The following BCAN variants were observed in gnomAD, a reference collection of about 807,000 sequenced individuals.
BCAN encodes brevican core protein.
Under a neutral mutation model 92.4 loss-of-function variants are expected in BCAN, and 51 were observed. That is an observed-to-expected ratio of 0.55 (90% CI 0.44 to 0.70). The LOEUF is 0.70. Ranked by LOEUF, BCAN falls within the 30% of genes least tolerant of loss-of-function variation. BCAN has a pLI of 0.00. For missense variants in BCAN, 1,140 were observed against 1,212.1 expected, an observed-to-expected ratio of 0.94 and a Z score of 0.88; for synonymous variants, 501 against 505.2, an observed-to-expected ratio of 0.99 and a Z score of 0.11.
chr1:156,654,125 A>G (rs1203758891), intron 8 of BCAN, among the ~76,000 whole-genome samples: 1 of 152,184 alleles, frequency 6.6e-6, no homozygotes, highest in Non-Finnish European at 1.5e-5. Context: ...AAAGTACCTA[A>G]TGCTGGAGAA....
In BCAN at chr1:156,659,223, T is replaced by C; in HGVS notation, c.*89T>C. 1 of 1,001,700 alleles carries C rather than the reference T, an allele frequency of 1.0e-6. No homozygotes were observed. Among genetic ancestry groups the C allele is most frequent in the Admixed American group, 2.9e-5 (1 of 34,804 alleles). The allele number at this position is 1,001,700 out of a possible 1,614,324, so 62.1% of individuals were successfully genotyped here. A position where few individuals can be genotyped will look rare whatever the true frequency, so the allele number is the denominator to read the frequency against. ...CCTGCGCTCCCGCCACCACAGGAAG[T>C]GACAACATGACGAGGGGTGGTACTG... is the stretch of plus-strand genomic sequence containing the variant. On this transcript the variant is annotated 3_prime_UTR_variant, in exon 14 of 14. Transcript: ENST00000329117.
intron 8 of BCAN, among the ~76,000 whole-genome samples, chr1:156,653,728 A>G (rs1557991118): frequency 6.6e-6 from 1 of 152,112 alleles, no homozygotes; most frequent in Non-Finnish European, 1.5e-5. Context: ...TAAGATCCCA[A>G]AATTTGACTG....
At position 156,648,639 on chromosome 1, in the gene BCAN, G is replaced by C; in HGVS notation, c.841G>C (p.Gly281Arg). Residue 281 changes from glycine to arginine, a missense_variant, in exon 6 of 14, where the codon GGT (glycine) becomes CGT (arginine). Gly to Arg is a moderately radical substitution (Grantham distance 125). Transcript: ENST00000329117. ...AGCACGGGCGTACTGCCAGGAGCGG[G>C]GTGCAGAGATTGCCACCACGGGCCA... The part of the protein sequence containing the change: ...EEARAYCQER[G>R]AEIATTGQLY... The C allele has an allele frequency of 6.2e-7, 1 of 1,612,544 alleles. No individual in the cohort carries two copies. Among genetic ancestry groups the C allele is most frequent in the Non-Finnish European group, 8.5e-7 (1 of 1,178,704 alleles).
At position 156,647,257 on chromosome 1, in the gene BCAN, G is replaced by C. The variant is rs971991057; in HGVS notation, c.466+82G>C. ...TGCCTTCGGGGATCCCACAGTGTGA[G>C]AGGGAAGCAAAGGTAGCTGGAAGGC... On this transcript the variant is annotated intron_variant, in intron 3 of 13. Coordinates refer to ENST00000329117, the MANE Select transcript of BCAN (RefSeq NM_021948.5). This position sits in a 1 kb window ranked among gnomAD's most constrained non-coding sequence, Gnocchi z 4.8. 7.0e-7 allele frequency: 1 copy of C among 1,438,078 alleles called. No individual in the cohort carries two copies. Among genetic ancestry groups the C allele is most frequent in the Admixed American group, 2.8e-5 (1 of 35,750 alleles). The allele number at this position is 1,438,078 out of a possible 1,614,324, so 89.1% of individuals were successfully genotyped here.
rs1260843010 is a variant in BCAN at position 156,656,853 on chromosome 1, G to C, written c.2051-85G>C. 6.5e-6 allele frequency: 10 copies of C among 1,540,422 alleles called. No individual in the cohort carries two copies. In the Admixed American group the frequency reaches 1.5e-4, roughly 23 times the overall value. On this transcript the variant is annotated intron_variant, in intron 9 of 13. Transcript: ENST00000329117. ...CTTAGTCCCGCCCCTCTCGGCCTGCGGTAGTGGAAGGAGACCAGCCCCTTC... is the reference window on the plus strand; with the variant it reads ...CTTAGTCCCGCCCCTCTCGGCCTGCCGTAGTGGAAGGAGACCAGCCCCTTC...
chr1:156,659,399 C>A lies in BCAN; in HGVS notation c.*265C>A. On this transcript the variant is annotated 3_prime_UTR_variant, in exon 14 of 14. Transcript: ENST00000329117. ...GCCTCAACTGCCCTCTCCCTGGCAGCCATCTTGTCCCCTCTATTCCTCTAG... is the reference window on the plus strand; with the variant it reads ...GCCTCAACTGCCCTCTCCCTGGCAGACATCTTGTCCCCTCTATTCCTCTAG... The A allele has an allele frequency of 2.1e-6, 1 of 484,554 alleles. No individual in the cohort carries two copies. The highest frequency in any genetic ancestry group is 3.6e-6 in the Non-Finnish European group (1 of 274,914). 30.0% of individuals were successfully genotyped at this position (484,554 alleles called of 1,614,324 possible).
chr1:156,647,539 C>A lies in BCAN; in HGVS notation c.498C>A (p.Ala166=). The A allele has an allele frequency of 6.3e-7, 1 of 1,598,688 alleles. No individual in the cohort carries two copies. The change falls in exon 4 of 14, where the codon GCC becomes GCA. Residue 166 remains alanine (A), a synonymous_variant. Coordinates refer to ENST00000329117, the MANE Select transcript of BCAN (RefSeq NM_021948.5). This position sits in a 1 kb window ranked among gnomAD's most constrained non-coding sequence, Gnocchi z 4.8. ...GVVFLYREGS[A]RYAFSFSGAQ... is the part of the protein sequence containing the mutation. ...TCTTTCTCTACCGAGAGGGCTCTGC[C>A]CGCTATGCTTTCTCCTTTTCTGGGG...
rs746159812 is a variant in BCAN, at chr1:156,659,108, C to A, written c.2710C>A (p.Pro904Thr). Residue 904 changes from proline to threonine, a missense_variant, in exon 14 of 14, where the codon CCT (proline) becomes ACT (threonine). Physicochemically the swap from Pro to Thr is conservative, Grantham distance 38. Coordinates refer to ENST00000329117, the MANE Select transcript of BCAN (RefSeq NM_021948.5). ...ACGCTGGAAGGCGCTGTTGATCCCC[C>A]CTTCCAGCCCCATGCCAGGTCCCTA... ...LGRWKALLIP[P>T]SSPMPGP The A allele has an allele frequency of 3.8e-6, 6 of 1,585,380 alleles. No individual in the cohort carries two copies. Among genetic ancestry groups the A allele is most frequent in the East Asian group, 2.3e-5 (1 of 43,936 alleles).
chr1:156,644,227 G>A (rs1363902718), intron 1 of BCAN: 1 of 152,310 alleles, frequency 6.6e-6, no homozygotes, highest in Non-Finnish European at 1.5e-5. Flanking sequence ...GTCAGACAGA[G>A]GTGAAAGGGT....
Position 156,658,035 on chromosome 1 carries a change from C to T in BCAN, c.2293-92C>T. 6.8e-7 allele frequency: 1 copy of T among 1,474,322 alleles called. No individual in the cohort carries two copies. Among genetic ancestry groups the T allele is most frequent in the Non-Finnish European group, 9.2e-7 (1 of 1,082,414 alleles). The allele number at this position is 1,474,322 out of a possible 1,614,324, so 91.3% of individuals were successfully genotyped here. ...AGCCCTAACCTTCCCTCTCCTGGGG[C>T]CCCGCTCACCAGCCCTCCTCCCCAG... On this transcript the variant is annotated intron_variant, in intron 11 of 13. Transcript: ENST00000329117. The surrounding 1 kb of genome is among the most constrained non-coding windows in gnomAD (Gnocchi z 4.4).
intron 2 of BCAN, 191 bp from the exon 3 acceptor site, chr1:156,646,610 G>A (rs1401598170): frequency 2.1e-6 from 2 of 936,938 alleles, no homozygotes; most frequent in Admixed American, 3.3e-5. Context: ...TCTGGAGACC[G>A]TCGGGGTGGT....
chr1:156,651,349 C>T, intron 6 of BCAN, 107 bp from the exon 7 acceptor site: 1 of 1,068,502 alleles, frequency 9.4e-7, no homozygotes, highest in Non-Finnish European at 1.4e-6. Flanking sequence ...GTAGGTGCTC[C>T]ACAGGGAAGA....
chr1:156,657,822 AC>A (rs1157420704), intron 11 of BCAN, 65 bp downstream of exon 11: 2 of 1,297,266 alleles, frequency 1.5e-6, no homozygotes, highest in Non-Finnish European at 2.1e-6. Context: ...GTTCCCTACC[AC>A]CCCCACCCCT....
At chr1:156,650,806 G>A (rs919532510) in intron 6 of BCAN, among the ~76,000 whole-genome samples, 4 of 152,194 alleles carry the variant, frequency 2.6e-5, no homozygotes, top group African/African-American at 4.8e-5. Flanking sequence ...AGCCAGTTAC[G>A]GTGGCACATG....
chr1:156,648,135 G>A (rs375185111), intron 5 of BCAN, 25 bp downstream of exon 5: 19 of 1,605,758 alleles, frequency 1.2e-5, no homozygotes, highest in Non-Finnish European at 1.6e-5. Flanking sequence ...GAGGTTCCCA[G>A]GGGACAATTT....
chr1:156,643,633 C>CAGAGGGAGAGAGAGAG lies in BCAN; in HGVS notation c.-9+1359_-9+1360insGAGGGAGAGAGAGAGA, dbSNP rs1179850412. ...CTACACACACACACACACACACACA[C>CAGAGGGAGAGAGAGAG]ACAGAGAGAGAGAGAGAGAGAGAGA... On this transcript the variant is annotated intron_variant, in intron 1 of 13. Coordinates refer to ENST00000329117, the MANE Select transcript of BCAN (RefSeq NM_021948.5). 555 of 90,902 alleles carry CAGAGGGAGAGAGAGAG rather than the reference C, an allele frequency of 6.1e-3. 5 individuals are homozygous for CAGAGGGAGAGAGAGAG. Among genetic ancestry groups the CAGAGGGAGAGAGAGAG allele is most frequent in the African/African-American group, 0.018 (532 of 29,310 alleles). The allele number at this position is 90,902 out of a possible 1,614,324, so 5.6% of individuals were successfully genotyped here. A position where few individuals can be genotyped will look rare whatever the true frequency, so the allele number is the denominator to read the frequency against.
Position 156,656,366 on chromosome 1 carries a change from A to G in BCAN, c.2027A>G (p.Tyr676Cys). 1 of 1,388,104 alleles carries G rather than the reference A, an allele frequency of 7.2e-7. No individual in the cohort carries two copies. The allele number at this position is 1,388,104 out of a possible 1,614,324, so 86.0% of individuals were successfully genotyped here. ...EGVRCLCLPG[Y>C]GGDLCDVGLR... ...GTCCGCTGCCTATGTCTGCCTGGCTATGGGGGGGACCTGTGCGATGTTGGT... is the reference window on the plus strand; with the variant it reads ...GTCCGCTGCCTATGTCTGCCTGGCTGTGGGGGGGACCTGTGCGATGTTGGT... The change falls in exon 9 of 14, where the codon TAT becomes TGT. Residue 676 changes from tyrosine to cysteine, a missense_variant. Transcript: ENST00000329117.
rs1187419313 is a variant in BCAN at position 156,652,591 on chromosome 1, G to A, written c.1641G>A (p.Arg547=). The change falls in exon 8 of 14, where the codon AGG becomes AGA. Residue 547 remains arginine (R), a synonymous_variant. Coordinates refer to ENST00000329117, the MANE Select transcript of BCAN (RefSeq NM_021948.5). ...CTACTGAGACTCTGCCCACTCCCAG[G>A]GAGAGGAACCTAGCATCCCCATCAC... ...GPPTETLPTP[R]ERNLASPSPS... is the part of the protein sequence containing the mutation. The A allele has an allele frequency of 6.2e-7, 1 of 1,614,098 alleles. No homozygotes were observed. Among genetic ancestry groups the A allele is most frequent in the Non-Finnish European group, 8.5e-7 (1 of 1,179,976 alleles).
Position 156,656,932 on chromosome 1 carries a change from C to A in BCAN, c.2051-6C>A, listed in dbSNP as rs1293748148. On this transcript the variant is annotated splice_region_variant and splice_polypyrimidine_tract_variant and intron_variant, in intron 9 of 13. Coordinates refer to ENST00000329117, the MANE Select transcript of BCAN (RefSeq NM_021948.5). ...GCCCTAAGATGCCCGCCCTTATGTG[C>A]CGCAGGCCTCCGCTTCTGCAACCCC... 6.2e-7 allele frequency: 1 copy of A among 1,612,628 alleles called. No individual in the cohort carries two copies. Among genetic ancestry groups the A allele is most frequent in the East Asian group, 2.2e-5 (1 of 44,872 alleles).
Sources: allele counts gnomAD v4.1 joint callset (sites outside exome capture counted in the v4.1 genomes callset), GRCh38; gene constraint gnomAD v4.1.1; non-coding constraint Gnocchi (gnomAD v3.1); transcripts MANE v1.5; gene names NCBI Gene and HGNC (gene_info 2026-07-23, HGNC 2026-07-21).